Variants in STK4 observed in about 807,000 individuals in gnomAD.
The protein encoded by STK4 is serine/threonine kinase 4, also known as serine/threonine-protein kinase 4.
Under a neutral mutation model 64.9 loss-of-function variants are expected in STK4, and 30 were observed. The ratio of observed to expected loss-of-function variants is 0.46; its 90% CI spans 0.35 to 0.63. The LOEUF (loss-of-function observed/expected upper bound fraction) is 0.63, where lower values mean the gene tolerates loss of function less well. Among genes scored for constraint, STK4 ranks in the 20% least tolerant of loss-of-function variants. The pLI, the probability that STK4 is intolerant of heterozygous loss-of-function variation, is 0.01. For missense variants in STK4, 466 were observed against 598.5 expected, an observed-to-expected ratio of 0.78 and a Z score of 2.31; for synonymous variants, 177 against 199.0, an observed-to-expected ratio of 0.89 and a Z score of 0.93.
At chr20:44,984,864 T>C (rs533992117) in intron 4 of STK4, among the ~76,000 whole-genome samples, 1 of 152,142 alleles carries the variant, frequency 6.6e-6, no homozygotes, top group Admixed American at 6.5e-5. Context: ...TCACTGTATG[T>C]TGGAACTGCT....
intron 9 of STK4, 42 bp from the exon 10 acceptor site, chr20:45,024,931 T>G: frequency 6.7e-7 from 1 of 1,495,558 alleles, no homozygotes; most frequent in Non-Finnish European, 8.9e-7. Flanking sequence ...TACCTAAAAT[T>G]TAGAATGTTT....
At chr20:44,966,648 GA>G in intron 1 of STK4, 45 bp downstream of exon 1, 3 of 1,261,856 alleles carry the variant, frequency 2.4e-6, no homozygotes, top group Admixed American at 4.2e-5. Context: ...GTCAGGGGAA[GA>G]AAAGGCGGGA....
At chr20:44,975,983 TAATG>T (rs1434789634) in intron 2 of STK4, among the ~76,000 whole-genome samples, 1 of 152,136 alleles carries the variant, frequency 6.6e-6, no homozygotes, top group Non-Finnish European at 1.5e-5. Flanking sequence ...GAAAAAGAAA[TAATG>T]AAGCAATCTC....
intron 10 of STK4, among the ~76,000 whole-genome samples, chr20:45,044,318 A>G (rs1363900443): frequency 1.3e-5 from 2 of 152,154 alleles, no homozygotes; most frequent in Non-Finnish European, 2.9e-5. Context: ...CTGGCTATGT[A>G]AAATGAATGA....
rs116233323 is a variant in STK4 at position 44,971,646 on chromosome 20, C to T, written c.36-432C>T. 3.5e-3 allele frequency among the ~76,000 whole-genome samples: 519 copies of T among 148,542 alleles called. 2 individuals are homozygous for T. Among genetic ancestry groups the T allele is most frequent in the African/African-American group, 0.012 (477 of 40,362 alleles). On this transcript the variant is annotated intron_variant, in intron 1 of 10. Transcript: ENST00000372806. ...AGGATACATCGAATGCTTGAATCTA[C>T]AGCATTTCAGCCACATGACTTTTTT...
At chr20:45,017,710 T>C (rs2068167656) in intron 9 of STK4, among the ~76,000 whole-genome samples, 1 of 152,242 alleles carries the variant, frequency 6.6e-6, no homozygotes, top group African/African-American at 2.4e-5. Context: ...AGAACCAAGA[T>C]GTGGACCATT....
At chr20:45,042,993 C>G (rs1478752661) in intron 10 of STK4, among the ~76,000 whole-genome samples, 4 of 152,048 alleles carry the variant, frequency 2.6e-5, no homozygotes, top group African/African-American at 9.7e-5. Context: ...TCCTGATGCT[C>G]TCCCTCCTCC....
At chr20:45,016,666 T>C (rs2068148153) in intron 9 of STK4, among the ~76,000 whole-genome samples, 1 of 152,176 alleles carries the variant, frequency 6.6e-6, no homozygotes, top group Admixed American at 6.6e-5. Context: ...TTTTAGGATA[T>C]GAAAGTACCA....
intron 10 of STK4, among the ~76,000 whole-genome samples, chr20:45,048,754 T>G (rs1277556222): frequency 6.6e-6 from 1 of 152,146 alleles, no homozygotes; most frequent in South Asian, 2.1e-4. Context: ...AGTGCTGGAA[T>G]TACAGGCGTG....
At chr20:45,052,367 A>T (rs997448982) in intron 10 of STK4, among the ~76,000 whole-genome samples, 1 of 152,190 alleles carries the variant, frequency 6.6e-6, no homozygotes, top group African/African-American at 2.4e-5. Flanking sequence ...ATCATTCTGC[A>T]TGCATAATAA....
chr20:44,968,563 T>A (rs1325190774), intron 1 of STK4, among the ~76,000 whole-genome samples: 3 of 152,242 alleles, frequency 2.0e-5, no homozygotes, highest in Non-Finnish European at 4.4e-5. Context: ...CTAGTTATGT[T>A]TCTTTCTGAA....
rs578204541 is a variant in STK4, at chr20:44,999,935, A to G, written c.832-457A>G. Among the ~76,000 whole-genome samples, 14 of 152,276 alleles carry G rather than the reference A, an allele frequency of 9.2e-5. No individual in the cohort carries two copies. In the South Asian group the frequency reaches 1.7e-3, roughly 18 times the overall value. The stretch of plus-strand genomic sequence containing the variant: ...TATCTCTTGAAAACATTTTTTTAGT[A>G]TTATCTACTAAGGTGTATACACACC... On this transcript the variant is annotated intron_variant, in intron 7 of 10. Coordinates refer to ENST00000372806, the MANE Select transcript of STK4 (RefSeq NM_006282.5).
At chr20:45,008,005 G>A (rs1385853516) in intron 9 of STK4, among the ~76,000 whole-genome samples, 1 of 152,148 alleles carries the variant, frequency 6.6e-6, no homozygotes, top group East Asian at 1.9e-4. Context: ...CTGTTTTTGT[G>A]TTAGTTTGCT....
intron 10 of STK4, among the ~76,000 whole-genome samples, chr20:45,030,886 A>G (rs1335393459): frequency 6.6e-6 from 1 of 152,152 alleles, no homozygotes; most frequent in Non-Finnish European, 1.5e-5. Context: ...CCAAAAACAC[A>G]CTGTAATATT....
In STK4 at chr20:45,049,709, C is replaced by G. The variant is rs373377216; in HGVS notation, c.1305+24579C>G. On this transcript the variant is annotated intron_variant, in intron 10 of 10. Transcript: ENST00000372806. ...TTCATATTAGAATAATGCTTGAGTTCCTGGTATTCGGTTAATGGAGTTTTA... is the reference window on the plus strand; with the variant it reads ...TTCATATTAGAATAATGCTTGAGTTGCTGGTATTCGGTTAATGGAGTTTTA... Among the ~76,000 whole-genome samples, 21 of 152,186 alleles carry G rather than the reference C, an allele frequency of 1.4e-4. No individual in the cohort carries two copies. The East Asian group carries it at 2.1e-3, about 15-fold the overall frequency.
At chr20:45,051,735 A>G (rs2068780339) in intron 10 of STK4, among the ~76,000 whole-genome samples, 1 of 152,178 alleles carries the variant, frequency 6.6e-6, no homozygotes, top group South Asian at 2.1e-4. Context: ...AGTGCCTTCT[A>G]AAGTAGATTT....
At chr20:45,071,283 T>C (rs1428645363) in intron 10 of STK4, among the ~76,000 whole-genome samples, 1 of 152,226 alleles carries the variant, frequency 6.6e-6, no homozygotes, top group Middle Eastern at 3.2e-3. Flanking sequence ...GCTTCAAGAT[T>C]CTGGCTGTAG....
At chr20:45,048,326 A>G (rs2068726728) in intron 10 of STK4, among the ~76,000 whole-genome samples, 1 of 152,220 alleles carries the variant, frequency 6.6e-6, no homozygotes, top group South Asian at 2.1e-4. Context: ...TATCTGACAC[A>G]GAGTAGGCAT....
chr20:44,981,920 A>G lies in STK4; in HGVS notation c.337A>G (p.Ile113Val), dbSNP rs766853466. ...EYCGAGSVSD[I>V]IRLRNKTLTE... ...CTGTGGGGCTGGTTCTGTATCTGAT[A>G]TCATTCGATTACGAAATAAAACGGT... Residue 113 changes from isoleucine (I) to valine (V), a missense_variant, in exon 4 of 11, where the codon ATC (isoleucine) becomes GTC (valine). By Grantham distance (29) the Ile-to-Val change is conservative. Transcript: ENST00000372806. 7 of 1,613,552 alleles carry G rather than the reference A, an allele frequency of 4.3e-6. No individual in the cohort carries two copies. Among genetic ancestry groups the G allele is most frequent in the South Asian group, 1.1e-5 (1 of 91,068 alleles).
Sources: allele counts gnomAD v4.1 joint callset (sites outside exome capture counted in the v4.1 genomes callset), GRCh38; gene constraint gnomAD v4.1.1; transcripts MANE v1.5; gene names NCBI Gene and HGNC (gene_info 2026-07-23, HGNC 2026-07-21).